DYM: variants seen among roughly 807,000 people sequenced by gnomAD.
The protein encoded by DYM is dymeclin.
A neutral mutation model predicts 93.1 loss-of-function variants in DYM; 78 were observed. The ratio of observed to expected loss-of-function variants is 0.84; its 90% confidence interval spans 0.70 to 1.01. The LOEUF (loss-of-function observed/expected upper bound fraction) is 1.01, where lower values mean the gene tolerates loss of function less well. DYM is among the 50% of genes least tolerant of loss of function. The probability of loss-of-function intolerance (pLI) is 0.00; values close to 1 mark genes in which losing one functional copy is unlikely to be tolerated. For synonymous variants in DYM, 321 were observed against 319.7 expected (o/e 1.00, Z -0.04); for missense variants, 789 against 845.0 (o/e 0.93, Z 0.82).
chr18:49,205,740 G>A (rs2092442157), intron 14 of DYM, among the ~76,000 whole-genome samples: 1 of 152,120 alleles, frequency 6.6e-6, no homozygotes, highest in African/African-American at 2.4e-5. Flanking sequence ...AGACAGCACA[G>A]TTTACACATT....
At chr18:49,416,559 A>C (rs2073011750) in intron 2 of DYM, among the ~76,000 whole-genome samples, 1 of 152,172 alleles carries the variant, frequency 6.6e-6, no homozygotes, top group South Asian at 2.1e-4. Context: ...AAAACAAAAG[A>C]ACTTTTTAAA....
chr18:49,391,709 G>T, intron 2 of DYM, 64 bp from the exon 3 acceptor site: 1 of 1,348,424 alleles, frequency 7.4e-7, no homozygotes, highest in Non-Finnish European at 1.1e-6. Flanking sequence ...ATGCTAATCA[G>T]TTAAAGAAAT....
intron 6 of DYM, among the ~76,000 whole-genome samples, chr18:49,343,927 C>T (rs1450894355): frequency 1.3e-5 from 2 of 148,286 alleles, no homozygotes; most frequent in Non-Finnish European, 3.0e-5. Flanking sequence ...GGGCAACATA[C>T]AAGACCCCAC....
At chr18:49,295,621 G>C (rs567164902) in intron 8 of DYM, among the ~76,000 whole-genome samples, 18 of 152,254 alleles carry the variant, frequency 1.2e-4, no homozygotes, top group Middle Eastern at 3.4e-3. Context: ...CTCTAGACTA[G>C]TTTAGACTTC....
Position 49,216,478 on chromosome 18 carries a change from G to A in DYM, c.1461-6763C>T, listed in dbSNP as rs1158434436. 6.6e-5 allele frequency among the ~76,000 whole-genome samples: 10 copies of A among 152,130 alleles called. No individual in the cohort carries two copies. In the South Asian group the frequency reaches 8.3e-4, roughly 13 times the overall value. Reference sequence around the variant, plus strand: ...AGTGGGTCCCTGACCCCTGACCCCCGAGCAGCCTAACTGGGAGGCACCCCC... The same window carrying A: ...AGTGGGTCCCTGACCCCTGACCCCCAAGCAGCCTAACTGGGAGGCACCCCC... On this transcript the variant is annotated intron_variant, in intron 13 of 17. Transcript: ENST00000675505.
chr18:49,402,315 T>C (rs1240115281), intron 2 of DYM, among the ~76,000 whole-genome samples: 1 of 152,006 alleles, frequency 6.6e-6, no homozygotes, highest in East Asian at 1.9e-4. Context: ...AAGCACAAAA[T>C]AAAACACAAA....
intron 14 of DYM, among the ~76,000 whole-genome samples, chr18:49,185,619 T>C (rs2090362263): frequency 6.6e-6 from 1 of 152,216 alleles, no homozygotes; most frequent in Non-Finnish European, 1.5e-5. Context: ...TAACTGCTAA[T>C]GTATAAAAAG....
intron 14 of DYM, among the ~76,000 whole-genome samples, chr18:49,180,487 G>T (rs2089825416): frequency 6.6e-6 from 1 of 152,080 alleles, no homozygotes; most frequent in Non-Finnish European, 1.5e-5. Context: ...CTAGAAATGA[G>T]AAAGTAGCCT....
At chr18:49,432,329 C>CAAAAAAAAAAAAAAAAAAAAAAAA (rs11429840) in intron 1 of DYM, among the ~76,000 whole-genome samples, 2 of 75,828 alleles carry the variant, frequency 2.6e-5, no homozygotes, top group Non-Finnish European at 5.5e-5. Flanking sequence ...AAGACTGTCT[C>CAAAAAAAAAAAAAAAAAAAAAAAA]AAAAAAAAAA....
chr18:49,179,303 G>T (rs2089691690), intron 14 of DYM, among the ~76,000 whole-genome samples: 1 of 152,130 alleles, frequency 6.6e-6, no homozygotes, highest in Non-Finnish European at 1.5e-5. Flanking sequence ...AATTACAACT[G>T]ATAAGGAGAT....
chr18:49,337,049 G>A (rs2063723972), intron 6 of DYM, among the ~76,000 whole-genome samples: 1 of 152,148 alleles, frequency 6.6e-6, no homozygotes, highest in Non-Finnish European at 1.5e-5. Flanking sequence ...AAGATGGAGG[G>A]ATCTTTACTG....
intron 17 of DYM, among the ~76,000 whole-genome samples, chr18:49,062,007 G>A (rs2076018436): frequency 6.6e-6 from 1 of 152,124 alleles, no homozygotes; most frequent in Admixed American, 6.5e-5. Context: ...TCTGGGAAAG[G>A]GTCTCTGTGC....
At chr18:49,095,662 C>T (rs185104940) in intron 17 of DYM, among the ~76,000 whole-genome samples, 42 of 152,166 alleles carry the variant, frequency 2.8e-4, no homozygotes, top group Admixed American at 2.8e-3. Context: ...CACCATAGAT[C>T]AATTATTTTC....
chr18:49,405,080 T>G (rs1434574673), intron 2 of DYM, among the ~76,000 whole-genome samples: 1 of 152,162 alleles, frequency 6.6e-6, no homozygotes. Flanking sequence ...TTTCCTCATT[T>G]TTTAATGGGG....
chr18:49,204,844 G>C (rs2092386232), intron 14 of DYM, among the ~76,000 whole-genome samples: 1 of 152,238 alleles, frequency 6.6e-6, no homozygotes, highest in Non-Finnish European at 1.5e-5. Flanking sequence ...TTGGTAGTTT[G>C]AGAGCTGATT....
intron 1 of DYM, among the ~76,000 whole-genome samples, chr18:49,444,484 G>A (rs768229342): frequency 6.6e-6 from 1 of 152,132 alleles, no homozygotes; most frequent in Non-Finnish European, 1.5e-5. Context: ...GTCATTTCAA[G>A]GACAACTAAC....
chr18:49,217,689 C>T (rs1358687669), intron 13 of DYM, among the ~76,000 whole-genome samples: 1 of 152,200 alleles, frequency 6.6e-6, no homozygotes, highest in Non-Finnish European at 1.5e-5. Context: ...AAATCCTTTA[C>T]AGACAAGCAA....
At chr18:49,047,006 T>C (rs1470641056) in intron 17 of DYM, among the ~76,000 whole-genome samples, 1 of 152,070 alleles carries the variant, frequency 6.6e-6, no homozygotes, top group Non-Finnish European at 1.5e-5. Flanking sequence ...AGGAGCAGAG[T>C]GAAGCAGCAA....
intron 6 of DYM, among the ~76,000 whole-genome samples, chr18:49,352,905 CTT>C (rs916640851): frequency 3.9e-5 from 6 of 151,980 alleles, no homozygotes; most frequent in Admixed American, 3.9e-4. Flanking sequence ...TTTCAATACT[CTT>C]TATTGAAATA....
Sources: allele counts gnomAD v4.1 joint callset (sites outside exome capture counted in the v4.1 genomes callset), GRCh38; gene constraint gnomAD v4.1.1; transcripts MANE v1.5; gene names NCBI Gene and HGNC (gene_info 2026-07-23, HGNC 2026-07-21).